The following SCN9A variants were observed in gnomAD, a reference collection of about 807,000 sequenced individuals.
SCN9A encodes the protein sodium channel protein type 9 subunit alpha.
In SCN9A, 131 loss-of-function variants were observed where a neutral mutation model predicts 187.0. That is an observed-to-expected ratio of 0.70 (90% CI 0.61 to 0.81). The LOEUF is 0.81. Ranked by LOEUF, SCN9A falls within the 30% of genes least tolerant of loss-of-function variation. SCN9A has a pLI of 0.00. For missense variants in SCN9A, 2,252 were observed against 2,396.6 expected, an observed-to-expected ratio of 0.94 and a Z score of 1.26; for synonymous variants, 809 against 808.6, an observed-to-expected ratio of 1.00 and a Z score of -0.01.
chr2:166,321,398 T>A (rs1699236831), intron 1 of SCN9A: 1 of 151,984 alleles, frequency 6.6e-6, no homozygotes, highest in Non-Finnish European at 1.5e-5. Flanking sequence ...TGTGCACCTG[T>A]AGTCTCAGCT....
chr2:166,284,336 A>C, intron 12 of SCN9A, 117 bp downstream of exon 12: 1 of 1,218,530 alleles, frequency 8.2e-7, no homozygotes, highest in Admixed American at 2.1e-5. Context: ...TTCCTATAGA[A>C]AAAGTATTGC....
intron 6 of SCN9A, chr2:166,304,007 C>G: frequency 1.2e-6 from 2 of 1,601,894 alleles, no homozygotes; most frequent in Non-Finnish European, 1.7e-6. Context: ...CAAAGTCAGC[C>G]CTGGTGTTTA....
intron 17 of SCN9A, among the ~76,000 whole-genome samples, chr2:166,257,025 T>C (rs996046151): frequency 6.6e-6 from 1 of 151,634 alleles, no homozygotes; most frequent in Non-Finnish European, 1.5e-5. Flanking sequence ...TATAGTATCA[T>C]CTTGAAGCAT....
chr2:166,247,852 T>G (rs930204749), intron 18 of SCN9A, among the ~76,000 whole-genome samples: 2 of 151,772 alleles, frequency 1.3e-5, no homozygotes, highest in South Asian at 4.2e-4. Flanking sequence ...ACCCAAAGAG[T>G]CATGTCATGT....
intron 19 of SCN9A, among the ~76,000 whole-genome samples, chr2:166,241,532 A>G (rs1695564823): frequency 6.6e-6 from 1 of 152,148 alleles, no homozygotes; most frequent in Admixed American, 6.6e-5. Context: ...CTTGCAGTTC[A>G]GCAGTTTTTA....
intron 1 of SCN9A, among the ~76,000 whole-genome samples, chr2:166,316,295 C>A (rs1033331070): frequency 6.6e-6 from 1 of 152,068 alleles, no homozygotes; most frequent in Non-Finnish European, 1.5e-5. Context: ...ACATGGGGAA[C>A]CAAATTTGGC....
At chr2:166,338,637 A>C (rs1574941439) in intron 1 of SCN9A, among the ~76,000 whole-genome samples, 1 of 152,260 alleles carries the variant, frequency 6.6e-6, no homozygotes, top group East Asian at 1.9e-4. Flanking sequence ...TTACTATCTG[A>C]ATTGCAAATC....
intron 1 of SCN9A, among the ~76,000 whole-genome samples, chr2:166,340,832 C>T (rs1025562180): frequency 1.3e-5 from 2 of 151,766 alleles, no homozygotes; most frequent in Non-Finnish European, 2.9e-5. Flanking sequence ...TATGTTGCCC[C>T]GGCTGGTCTT....
intron 18 of SCN9A, among the ~76,000 whole-genome samples, chr2:166,246,273 G>A (rs1257018717): frequency 1.3e-5 from 2 of 151,516 alleles, no homozygotes; most frequent in East Asian, 3.9e-4. Flanking sequence ...TAATTTGAAA[G>A]GTTACATCTC....
chr2:166,288,309 T>C, intron 10 of SCN9A, 128 bp downstream of exon 10: 2 of 649,566 alleles, frequency 3.1e-6, no homozygotes, highest in Non-Finnish European at 5.0e-6. Context: ...GAAATGAGGA[T>C]ACAGTTTATA....
At chr2:166,291,407 A>C (rs1044232290) in intron 9 of SCN9A, among the ~76,000 whole-genome samples, 2 of 152,114 alleles carry the variant, frequency 1.3e-5, no homozygotes, top group Non-Finnish European at 2.9e-5. Flanking sequence ...ACAAGCCACT[A>C]CTCAAGGAAA....
chr2:166,339,488 C>T (rs1699712454), intron 1 of SCN9A, among the ~76,000 whole-genome samples: 1 of 151,956 alleles, frequency 6.6e-6, no homozygotes, highest in Non-Finnish European at 1.5e-5. Flanking sequence ...CATGCATGTT[C>T]TTAGAATTTT....
At chr2:166,221,670 T>C (rs1238711340) in intron 24 of SCN9A, among the ~76,000 whole-genome samples, 2 of 152,166 alleles carry the variant, frequency 1.3e-5, no homozygotes, top group East Asian at 3.8e-4. Flanking sequence ...GTTGCTGGGA[T>C]TATAAGCATG....
intron 1 of SCN9A, among the ~76,000 whole-genome samples, chr2:166,331,888 C>T (rs1699512979): frequency 6.6e-6 from 1 of 151,950 alleles, no homozygotes; most frequent in African/African-American, 2.4e-5. Context: ...TATGATATGA[C>T]CTAATTATAT....
chr2:166,282,989 C>T (rs1009508097), intron 12 of SCN9A, among the ~76,000 whole-genome samples: 4 of 152,038 alleles, frequency 2.6e-5, no homozygotes, highest in Non-Finnish European at 4.4e-5. Context: ...ATATATTGTG[C>T]CACAATTTTA....
intron 1 of SCN9A, among the ~76,000 whole-genome samples, chr2:166,353,971 C>A (rs1700096982): frequency 6.6e-6 from 1 of 152,174 alleles, no homozygotes. Flanking sequence ...CTAACCCAAG[C>A]ACTTGAAGAA....
intron 24 of SCN9A, among the ~76,000 whole-genome samples, chr2:166,212,251 G>A (rs1694129804): frequency 6.6e-6 from 1 of 152,124 alleles, no homozygotes; most frequent in Non-Finnish European, 1.5e-5. Flanking sequence ...CTCTGTATCT[G>A]TGGATTTCAC....
At chr2:166,336,016 G>A (rs990338667) in intron 1 of SCN9A, among the ~76,000 whole-genome samples, 1 of 152,034 alleles carries the variant, frequency 6.6e-6, no homozygotes, top group African/African-American at 2.4e-5. Context: ...GATGTGAATA[G>A]ATTATGTGCA....
At chr2:166,233,571 G>T (rs1187682434) in intron 20 of SCN9A, 109 bp from the exon 21 acceptor site, 1 of 782,978 alleles carries the variant, frequency 1.3e-6, no homozygotes, top group Non-Finnish European at 1.9e-6. Flanking sequence ...CAATAAGATG[G>T]TATATACGGA....
Sources: allele counts gnomAD v4.1 joint callset (sites outside exome capture counted in the v4.1 genomes callset), GRCh38; gene constraint gnomAD v4.1.1; transcripts MANE v1.5; gene names NCBI Gene and HGNC (gene_info 2026-07-23, HGNC 2026-07-21).